EPN1: variants seen among roughly 807,000 people sequenced by gnomAD.
EPN1 encodes the protein epsin 1.
In EPN1, 25 loss-of-function variants were observed where a neutral mutation model predicts 56.9. The ratio of observed to expected loss-of-function variants is 0.44; its 90% CI spans 0.32 to 0.61. The LOEUF (loss-of-function observed/expected upper bound fraction) is 0.61. Among genes scored for constraint, EPN1 ranks in the 20% least tolerant of loss-of-function variants. EPN1 has a pLI of 0.05. For missense variants in EPN1, 785 were observed against 823.7 expected (o/e 0.95, Z 0.58); for synonymous variants, 411 against 361.8 (o/e 1.14, Z -1.54).
chr19:55,694,742 G>A lies in EPN1; in HGVS notation c.1281G>A (p.Leu427=). Residue 427 remains leucine, a synonymous_variant, in exon 10 of 11, where the codon CTG becomes CTA. Transcript: ENST00000270460. The surrounding 1 kb of genome is among the most constrained non-coding windows in gnomAD (Gnocchi z 4.2). The part of the protein sequence containing the change: ...SGSSAGELEL[L]AGEVPARSPG... ...TCCTTCCAGGAGAGCTGGAGCTGCT[G>A]GCAGGAGAGGTGCCGGCCCGAAGCC... 6.3e-7 allele frequency: 1 copy of A among 1,577,862 alleles called. No individual in the cohort carries two copies. Among genetic ancestry groups the A allele is most frequent in the Non-Finnish European group, 8.6e-7 (1 of 1,160,212 alleles).
intron 3 of EPN1, 65 bp downstream of exon 3, chr19:55,685,710 AC>A (rs1190021050): frequency 2.0e-6 from 3 of 1,525,142 alleles, no homozygotes; most frequent in Non-Finnish European, 1.8e-6. Flanking sequence ...GGCTCCCGGC[AC>A]CCGGCCGCCC....
rs1335341389 is a variant in EPN1 at position 55,689,053 on chromosome 19, G to T, written c.603+59G>T. The T allele has an allele frequency of 3.3e-6, 5 of 1,518,420 alleles. 1 individual carries two copies. Among genetic ancestry groups the T allele is most frequent in the African/African-American group, 1.4e-5 (1 of 73,064 alleles). The allele number at this position is 1,518,420 out of a possible 1,614,324, so 94.1% of individuals were successfully genotyped here. On this transcript the variant is annotated intron_variant, in intron 4 of 10. Coordinates refer to ENST00000270460, the MANE Select transcript of EPN1 (RefSeq NM_001130072.2). This position sits in a 1 kb window ranked among gnomAD's most constrained non-coding sequence, Gnocchi z 5.7. The stretch of plus-strand genomic sequence containing the variant: ...CACCCGCCTCCACGCCTCACTTCAG[G>T]CTCCCTCCCAGCCAGGCGTGGGCCT...
Position 55,691,823 on chromosome 19 carries a change from G to C in EPN1, c.832G>C (p.Gly278Arg), listed in dbSNP as rs781722721. Residue 278 changes from glycine (G) to arginine (R), a missense_variant, in exon 7 of 11, where the codon GGC (glycine) becomes CGC (arginine). Physicochemically the swap from Gly to Arg is moderately radical, Grantham distance 125 (BLOSUM62 -2). Coordinates refer to ENST00000270460, the MANE Select transcript of EPN1 (RefSeq NM_001130072.2). The surrounding 1 kb of genome is among the most constrained non-coding windows in gnomAD (Gnocchi z 5.6). ...TGCCCCGACCACAGACCCCTGGGGGGGCCCAGCACCCATGGCTGCTGCCGT... is the reference window on the plus strand; with the variant it reads ...TGCCCCGACCACAGACCCCTGGGGGCGCCCAGCACCCATGGCTGCTGCCGT... Reference protein sequence around the residue: ...APAPTTDPWGGPAPMAAAVPT... With the variant: ...APAPTTDPWGRPAPMAAAVPT... 7 of 1,610,080 alleles carry C rather than the reference G, an allele frequency of 4.3e-6. No individual in the cohort carries two copies. The highest frequency in any genetic ancestry group is 1.1e-5 in the South Asian group (1 of 90,940).
In EPN1 at chr19:55,708,934, T is replaced by C; in HGVS notation, c.*13578T>C. 1 of 1,566,776 alleles carries C rather than the reference T, an allele frequency of 6.4e-7. No homozygotes were observed. The highest frequency in any genetic ancestry group is 8.6e-7 in the Non-Finnish European group (1 of 1,162,524). ...CCATCAGAGGAGCACACCCCTGATC[T>C]TGTATTCCTCGTCAATCCAAGGTCC... On this transcript the variant is annotated 3_prime_UTR_variant, in exon 11 of 11. Transcript: ENST00000270460.
Position 55,699,317 on chromosome 19 carries a change from T to C in EPN1, c.*3961T>C, listed in dbSNP as rs1226803856. 1 of 152,144 alleles carries C rather than the reference T, an allele frequency of 6.6e-6. No individual in the cohort carries two copies. Among genetic ancestry groups the C allele is most frequent in the South Asian group, 2.1e-4 (1 of 4,832 alleles). 9.4% of individuals were successfully genotyped at this position (152,144 alleles called of 1,614,324 possible). ...AGGCACCTTCTTGCAGCCGCAGGCA[T>C]CTCCCCCACACGTGCTTCTAGCTTC... On this transcript the variant is annotated 3_prime_UTR_variant, in exon 11 of 11. Coordinates refer to ENST00000270460, the MANE Select transcript of EPN1 (RefSeq NM_001130072.2).
Position 55,692,005 on chromosome 19 carries a change from A to C in EPN1, c.1014A>C (p.Pro338=). 2 of 1,478,742 alleles carry C rather than the reference A, an allele frequency of 1.4e-6. No individual in the cohort carries two copies. The highest frequency in any genetic ancestry group is 1.8e-6 in the Non-Finnish European group (2 of 1,122,358). 91.6% of individuals were successfully genotyped at this position (1,478,742 alleles called of 1,614,324 possible). Residue 338 remains proline (P), a synonymous_variant, in exon 7 of 11, where the codon CCA becomes CCC. Transcript: ENST00000270460. ...CAGTTGACCCTTGGGGTGGGACCCC[A>C]GCCCCTGCAGCTGGGGAGGGGCCCA... The part of the protein sequence containing the change: ...GPSVDPWGGT[P]APAAGEGPTP...
Position 55,696,362 on chromosome 19 carries a change from G to T in EPN1, c.*1006G>T. 1 of 152,502 alleles carries T rather than the reference G, an allele frequency of 6.6e-6. No homozygotes were observed. 9.4% of individuals were successfully genotyped at this position (152,502 alleles called of 1,614,324 possible). On this transcript the variant is annotated 3_prime_UTR_variant, in exon 11 of 11. Transcript: ENST00000270460. The stretch of plus-strand genomic sequence containing the variant: ...GGGGGGTGTTGCTGTCATCTCCAGG[G>T]CTAGGTGACAGCTTGTTGCAGGCCC...
chr19:55,695,447 C>G lies in EPN1; in HGVS notation c.*91C>G. The G allele has an allele frequency of 1.4e-6, 1 of 697,870 alleles. No homozygotes were observed. Among genetic ancestry groups the G allele is most frequent in the Non-Finnish European group, 2.4e-6 (1 of 419,382 alleles). The allele number at this position is 697,870 out of a possible 1,614,324, so 43.2% of individuals were successfully genotyped here. On this transcript the variant is annotated 3_prime_UTR_variant, in exon 11 of 11. Transcript: ENST00000270460. The surrounding 1 kb of genome is among the most constrained non-coding windows in gnomAD (Gnocchi z 4.4). ...TGTGAGTGCATGTGAAATGGGGGATCCCCACCCCCAGTGCCCTTCCCCTTC... is the reference window on the plus strand; with the variant it reads ...TGTGAGTGCATGTGAAATGGGGGATGCCCACCCCCAGTGCCCTTCCCCTTC...
In EPN1 at chr19:55,708,758, A is replaced by C. The variant is rs920974589; in HGVS notation, c.*13402A>C. 1.7e-5 allele frequency: 9 copies of C among 532,226 alleles called. No individual in the cohort carries two copies. The highest frequency in any genetic ancestry group is 1.4e-4 in the African/African-American group (7 of 50,978). The allele number at this position is 532,226 out of a possible 1,614,324, so 33.0% of individuals were successfully genotyped here. ...ACAATCAGCATGTACACTGAATCACACTCCATAATCATATTGCTAGAACAC... is the reference window on the plus strand; with the variant it reads ...ACAATCAGCATGTACACTGAATCACCCTCCATAATCATATTGCTAGAACAC... On this transcript the variant is annotated 3_prime_UTR_variant, in exon 11 of 11. Transcript: ENST00000270460.
chr19:55,681,601 C>T (rs1184060318), intron 2 of EPN1, among the ~76,000 whole-genome samples: 1 of 152,184 alleles, frequency 6.6e-6, no homozygotes, highest in African/African-American at 2.4e-5. Flanking sequence ...GAGTATATGG[C>T]CTGAAAAACT....
rs956434330 is a variant in EPN1 at position 55,677,032 on chromosome 19, A to C, written c.-101-1495A>C. 3.7e-6 allele frequency: 5 copies of C among 1,360,034 alleles called. No individual in the cohort carries two copies. In the African/African-American group the frequency reaches 7.3e-5, roughly 20 times the overall value. 84.2% of individuals were successfully genotyped at this position (1,360,034 alleles called of 1,614,324 possible). On this transcript the variant is annotated intron_variant, in intron 1 of 10. Coordinates refer to ENST00000270460, the MANE Select transcript of EPN1 (RefSeq NM_001130072.2). ...CCAGAGAGTTACTTTTTAACTAGCT[A>C]CATCTGTCTTCAGGTGCCTGGCTTT...
Position 55,689,446 on chromosome 19 carries a change from AC to A in EPN1, c.678+81del, listed in dbSNP as rs1382294644. Reference sequence around the variant, plus strand: ...CAGCCCCGTCGCCCCTTCCTAAGTCACCCCCCACCATCCTGCTGGGCCCGAA... The same window carrying A: ...CAGCCCCGTCGCCCCTTCCTAAGTCACCCCCACCATCCTGCTGGGCCCGAA... On this transcript the variant is annotated intron_variant, in intron 5 of 10. Transcript: ENST00000270460. This position sits in a 1 kb window ranked among gnomAD's most constrained non-coding sequence, Gnocchi z 5.7. The A allele has an allele frequency of 2.2e-5, 25 of 1,135,238 alleles. No homozygotes were observed. Among genetic ancestry groups the A allele is most frequent in the East Asian group, 2.6e-5 (1 of 38,586 alleles). 70.3% of individuals were successfully genotyped at this position (1,135,238 alleles called of 1,614,324 possible).
In EPN1 at chr19:55,709,203, A is replaced by G; in HGVS notation, c.*13847A>G. The G allele has an allele frequency of 4.0e-6, 2 of 501,534 alleles. No individual in the cohort carries two copies. The highest frequency in any genetic ancestry group is 6.7e-6 in the Non-Finnish European group (2 of 296,504). The allele number at this position is 501,534 out of a possible 1,614,324, so 31.1% of individuals were successfully genotyped here. A position where few individuals can be genotyped will look rare whatever the true frequency, so the allele number is the denominator to read the frequency against. On this transcript the variant is annotated 3_prime_UTR_variant, in exon 11 of 11. Transcript: ENST00000270460. ...TGAAAAACAAGCATGAATCTTTCCT[A>G]TAGGATAGGAAGCCTCTGATTTATA...
intron 3 of EPN1, 109 bp downstream of exon 3, chr19:55,685,754 G>GC (rs1428391757): frequency 2.1e-6 from 3 of 1,402,896 alleles, no homozygotes; most frequent in East Asian, 5.0e-5. Context: ...AGGGACCGCG[G>GC]CATCCCCCTT....
At position 55,705,181 on chromosome 19, in the gene EPN1, A is replaced by G. The variant is rs1389269114; in HGVS notation, c.*9825A>G. 6.6e-6 allele frequency: 1 copy of G among 152,184 alleles called. No homozygotes were observed. Among genetic ancestry groups the G allele is most frequent in the Non-Finnish European group, 1.5e-5 (1 of 68,040 alleles). The allele number at this position is 152,184 out of a possible 1,614,324, so 9.4% of individuals were successfully genotyped here. A position where few individuals can be genotyped will look rare whatever the true frequency, so the allele number is the denominator to read the frequency against. Reference sequence around the variant, plus strand: ...TATTAAACTTCAGAGGTCCATGGAGACCTCTTAGGAGTCTTTGAAGGAACT... The same window carrying G: ...TATTAAACTTCAGAGGTCCATGGAGGCCTCTTAGGAGTCTTTGAAGGAACT... On this transcript the variant is annotated 3_prime_UTR_variant, in exon 11 of 11. Coordinates refer to ENST00000270460, the MANE Select transcript of EPN1 (RefSeq NM_001130072.2).
rs1190480467 is a variant in EPN1 at position 55,697,687 on chromosome 19, CTACTT to C, written c.*2334_*2338del. ...AGTAGCACCACAGATCTCGTGTCTC[CTACTT>C]TATTCCTCTTTCTAGAATATTCCAG... On this transcript the variant is annotated 3_prime_UTR_variant, in exon 11 of 11. Coordinates refer to ENST00000270460, the MANE Select transcript of EPN1 (RefSeq NM_001130072.2). 1.3e-5 allele frequency: 2 copies of C among 152,152 alleles called. No homozygotes were observed. Among genetic ancestry groups the C allele is most frequent in the Non-Finnish European group, 2.9e-5 (2 of 68,034 alleles). The allele number at this position is 152,152 out of a possible 1,614,324, so 9.4% of individuals were successfully genotyped here.
intron 2 of EPN1, among the ~76,000 whole-genome samples, chr19:55,682,699 C>T (rs957738732): frequency 1.3e-5 from 2 of 152,122 alleles, no homozygotes; most frequent in African/African-American, 4.8e-5. Context: ...TCTCAAAGCA[C>T]TGGGGTTACA....
chr19:55,686,904 G>A (rs1389912545), intron 3 of EPN1, among the ~76,000 whole-genome samples: 1 of 151,910 alleles, frequency 6.6e-6, no homozygotes, highest in Non-Finnish European at 1.5e-5. Flanking sequence ...AGGCCTGAGG[G>A]TGGGACATCC....
At position 55,694,923 on chromosome 19, in the gene EPN1, G is replaced by C. The variant is rs1231791842; in HGVS notation, c.1462G>C (p.Val488Leu). ...NAALVDLDSL[V>L]SRPGPTPPGA... ...AGCCCTCGTCGACCTGGACTCGCTG[G>C]TGAGCCGGCCGGGCCCCACGCCGCC... The change falls in exon 10 of 11, where the codon GTG becomes CTG. Residue 488 changes from valine (V) to leucine (L), a missense_variant. Val to Leu is a conservative substitution (Grantham distance 32). Around this residue, in one of 2 missense-constraint regions of EPN1, gnomAD observed 650 missense variants for 605.0 expected, o/e 1.07. Coordinates refer to ENST00000270460, the MANE Select transcript of EPN1 (RefSeq NM_001130072.2). This position sits in a 1 kb window ranked among gnomAD's most constrained non-coding sequence, Gnocchi z 4.2. 1.3e-6 allele frequency: 2 copies of C among 1,571,940 alleles called. No homozygotes were observed.
Sources: gnomAD v4.1 joint callset for allele counts (sites outside exome capture counted in the v4.1 genomes callset) on GRCh38, gnomAD v4.1.1 for gene constraint, gnomAD v4.1.1 regional missense constraint, Gnocchi (gnomAD v3.1) non-coding constraint, MANE v1.5 for transcripts, NCBI Gene and HGNC (gene_info 2026-07-23, HGNC 2026-07-21) for gene names.